Variants in DHTKD1 observed in about 807,000 individuals in gnomAD.
DHTKD1 encodes the protein 2-oxoadipate dehydrogenase complex component E1.
DHTKD1 carries 78 observed loss-of-function variants against 101.8 expected under a neutral mutation model. The observed-to-expected ratio is 0.77, with a 90% CI of 0.64 to 0.93. DHTKD1 has a LOEUF of 0.93. Ranked by LOEUF, DHTKD1 falls within the 40% of genes least tolerant of loss-of-function variation. The probability of loss-of-function intolerance (pLI) is 0.00; values close to 1 mark genes in which losing one functional copy is unlikely to be tolerated. For missense variants in DHTKD1, 1,223 were observed against 1,161.7 expected (o/e 1.05, Z -0.77); for synonymous variants, 462 against 450.3 (o/e 1.03, Z -0.33).
intron 1 of DHTKD1, among the ~76,000 whole-genome samples, chr10:12,070,232 C>T (rs910978776): frequency 2.0e-5 from 3 of 152,132 alleles, no homozygotes; most frequent in African/African-American, 7.2e-5. Context: ...ATTTGCGAGA[C>T]TAATTTTGAG....
intron 9 of DHTKD1, 25 bp downstream of exon 9, chr10:12,100,287 G>GTTCTTTTTTTTTTTTTTTT: frequency 4.0e-6 from 1 of 248,610 alleles, no homozygotes; most frequent in South Asian, 4.7e-5. Context: ...TTTTTTTTCT[G>GTTCTTTTTTTTTTTTTTTT]TTTTTTTTTT....
At chr10:12,071,296 C>T (rs1244313103) in intron 1 of DHTKD1, among the ~76,000 whole-genome samples, 3 of 152,052 alleles carry the variant, frequency 2.0e-5, no homozygotes, top group Non-Finnish European at 4.4e-5. Context: ...TGGGAGGTGG[C>T]TCTTTGTTCT....
intron 11 of DHTKD1, among the ~76,000 whole-genome samples, chr10:12,106,922 C>G (rs1323190235): frequency 3.9e-5 from 6 of 152,144 alleles, no homozygotes; most frequent in Admixed American, 2.0e-4. Flanking sequence ...CCCACCACCC[C>G]CTGTTTCAAG....
At chr10:12,094,369 A>T in intron 7 of DHTKD1, 98 bp downstream of exon 7, 2 of 1,084,466 alleles carry the variant, frequency 1.8e-6, no homozygotes, top group Non-Finnish European at 2.7e-6. Context: ...CCAGTCTGGA[A>T]TGCAGTAGCA....
In DHTKD1 at chr10:12,086,847, C is replaced by A. The variant is rs142870114; in HGVS notation, c.523-688C>A. Among the ~76,000 whole-genome samples the A allele has an allele frequency of 2.0e-3, 307 of 152,200 alleles. 2 individuals carry two copies. The highest frequency in any genetic ancestry group is 3.8e-3 in the African/African-American group (157 of 41,550). The stretch of plus-strand genomic sequence containing the variant: ...CTGGGATTACAGGTGCACACCACCA[C>A]ACCCGGCTAATTTTTAGATTTTCAG... On this transcript the variant is annotated intron_variant, in intron 3 of 16. Transcript: ENST00000263035.
intron 3 of DHTKD1, among the ~76,000 whole-genome samples, chr10:12,086,983 G>A (rs1483908413): frequency 6.6e-6 from 1 of 152,120 alleles, no homozygotes; most frequent in Non-Finnish European, 1.5e-5. Flanking sequence ...CACCATGCCT[G>A]GCCTGGTCTT....
At chr10:12,074,011 T>C in intron 1 of DHTKD1, among the ~76,000 whole-genome samples, 1 of 152,224 alleles carries the variant, frequency 6.6e-6, no homozygotes, top group East Asian at 1.9e-4. Context: ...TTCTCTATTC[T>C]CTCTGGCTTC....
intron 13 of DHTKD1, among the ~76,000 whole-genome samples, chr10:12,114,889 G>A (rs1039556084): frequency 3.3e-5 from 5 of 151,718 alleles, no homozygotes; most frequent in South Asian, 2.1e-4. Flanking sequence ...TCCGCCTCCC[G>A]GGTTCAGGCC....
At chr10:12,117,881 T>A (rs529888419) in intron 14 of DHTKD1, 126 bp downstream of exon 14, 1 of 234,076 alleles carries the variant, frequency 4.3e-6, no homozygotes. Flanking sequence ...TTTATTTATT[T>A]ATTTATTTAT....
intron 11 of DHTKD1, among the ~76,000 whole-genome samples, chr10:12,106,757 C>T (rs369580488): frequency 7.2e-5 from 11 of 152,206 alleles, no homozygotes; most frequent in African/African-American, 2.7e-4. Flanking sequence ...TCCCCAGACC[C>T]TGAATCCCAT....
In DHTKD1 at chr10:12,117,690, T is replaced by A; in HGVS notation, c.2337T>A (p.Leu779=). Residue 779 remains leucine, a synonymous_variant, in exon 14 of 17, where the codon CTT becomes CTA. Coordinates refer to ENST00000263035, the MANE Select transcript of DHTKD1 (RefSeq NM_018706.7). ...LLRLPAAVST[L]QEMAPGTTFN... The stretch of plus-strand genomic sequence containing the variant: ...CCTCGTAGGCAGCCGTGTCAACTCT[T>A]CAAGAAATGGCACCAGGAACAACAT... 1.2e-6 allele frequency: 2 copies of A among 1,605,998 alleles called. No homozygotes were observed. The highest frequency in any genetic ancestry group is 8.5e-7 in the Non-Finnish European group (1 of 1,175,160).
rs149686187 is a variant in DHTKD1 at position 12,103,936 on chromosome 10, A to G, written c.1897-2310A>G. On this transcript the variant is annotated intron_variant, in intron 10 of 16. Coordinates refer to ENST00000263035, the MANE Select transcript of DHTKD1 (RefSeq NM_018706.7). This position sits in a 1 kb window ranked among gnomAD's most constrained non-coding sequence, Gnocchi z 4.8. Reference sequence around the variant, plus strand: ...TTCACAGAGTTGTGTAATCATCACCACTATCTAATTTTAGAACATTTTCAT... The same window carrying G: ...TTCACAGAGTTGTGTAATCATCACCGCTATCTAATTTTAGAACATTTTCAT... Among the ~76,000 whole-genome samples the G allele has an allele frequency of 2.9e-3, 436 of 152,230 alleles. 3 individuals are homozygous for G. Among genetic ancestry groups the G allele is most frequent in the Non-Finnish European group, 3.6e-3 (245 of 68,006 alleles).
chr10:12,106,196 C>T (rs1833244302), intron 10 of DHTKD1, 50 bp from the exon 11 acceptor site: 1 of 1,606,090 alleles, frequency 6.2e-7, no homozygotes, highest in Non-Finnish European at 8.5e-7. Context: ...GAGCCCAGTG[C>T]TCTGCCGTGG....
rs1249235893 is a variant in DHTKD1, at chr10:12,103,636, C to T, written c.1896+2455C>T. Among the ~76,000 whole-genome samples, 1 of 152,042 alleles carries T rather than the reference C, an allele frequency of 6.6e-6. No individual in the cohort carries two copies. Among genetic ancestry groups the T allele is most frequent in the East Asian group, 1.9e-4 (1 of 5,176 alleles). ...GCACAAGCAATTGTCCCGCCTCAGC[C>T]TCTCAAGTAGCTGGGACTACAGGCA... On this transcript the variant is annotated intron_variant, in intron 10 of 16. Transcript: ENST00000263035. This position sits in a 1 kb window ranked among gnomAD's most constrained non-coding sequence, Gnocchi z 4.8.
rs372895868 is a variant in DHTKD1, at chr10:12,087,781, G to T, written c.717+52G>T. The T allele has an allele frequency of 7.0e-7, 1 of 1,421,004 alleles. No homozygotes were observed. The highest frequency in any genetic ancestry group is 1.5e-5 in the South Asian group (1 of 68,890). The allele number at this position is 1,421,004 out of a possible 1,614,324, so 88.0% of individuals were successfully genotyped here. On this transcript the variant is annotated intron_variant, in intron 4 of 16. Transcript: ENST00000263035. This position sits in a 1 kb window ranked among gnomAD's most constrained non-coding sequence, Gnocchi z 5.2. Reference sequence around the variant, plus strand: ...TAGCACTATATGATTGATTGTAACAGAATAAAACTGCTGGTTTCATTCTGG... The same window carrying T: ...TAGCACTATATGATTGATTGTAACATAATAAAACTGCTGGTTTCATTCTGG...
chr10:12,118,551 T>G (rs543723899), intron 14 of DHTKD1, among the ~76,000 whole-genome samples, 198 bp from the exon 15 acceptor site: 78 of 151,986 alleles, frequency 5.1e-4, no homozygotes, highest in African/African-American at 1.8e-3. Flanking sequence ...CCCGGCTAAT[T>G]TTTTGTATTT....
chr10:12,105,670 G>C (rs1404889257), intron 10 of DHTKD1, among the ~76,000 whole-genome samples: 1 of 152,148 alleles, frequency 6.6e-6, no homozygotes, highest in African/African-American at 2.4e-5. Flanking sequence ...GGTCATCTGA[G>C]AAGTATATGT....
At chr10:12,081,329 AG>A (rs1281821466) in intron 1 of DHTKD1, 142 bp from the exon 2 acceptor site, 8 of 613,772 alleles carry the variant, frequency 1.3e-5, no homozygotes, top group Admixed American at 2.9e-5. Flanking sequence ...CCTGGGCAAT[AG>A]AGCAAGACCC....
intron 1 of DHTKD1, among the ~76,000 whole-genome samples, chr10:12,074,662 GT>G (rs1414657525): frequency 6.7e-3 from 2 of 298 alleles, no homozygotes; most frequent in Non-Finnish European, 0.02. Flanking sequence ...GTCTTGCTAT[GT>G]TGCCCCAGGC....
Sources: gnomAD v4.1 joint callset for allele counts (sites outside exome capture counted in the v4.1 genomes callset) on GRCh38, gnomAD v4.1.1 for gene constraint, Gnocchi (gnomAD v3.1) non-coding constraint, MANE v1.5 for transcripts, NCBI Gene and HGNC (gene_info 2026-07-23, HGNC 2026-07-21) for gene names.